Variants in TECTA observed in about 807,000 individuals in gnomAD.
The protein encoded by TECTA is tectorin alpha.
A neutral mutation model predicts 216.8 loss-of-function variants in TECTA; 128 were observed. The observed-to-expected ratio is 0.59, with a 90% CI of 0.51 to 0.68. The LOEUF (loss-of-function observed/expected upper bound fraction) is 0.68, where lower values mean the gene tolerates loss of function less well. Among genes scored for constraint, TECTA ranks in the 30% least tolerant of loss-of-function variants. The pLI is 0.00. For missense variants in TECTA, 2,551 were observed against 2,786.2 expected, an observed-to-expected ratio of 0.92 and a Z score of 1.90; for synonymous variants, 1,089 against 1,117.1, an observed-to-expected ratio of 0.97 and a Z score of 0.50.
At chr11:121,185,254 G>A (rs1947270836) in intron 20 of TECTA, among the ~76,000 whole-genome samples, 1 of 152,210 alleles carries the variant, frequency 6.6e-6, no homozygotes, top group Non-Finnish European at 1.5e-5. Flanking sequence ...TTTTTTTCCA[G>A]TGCATTTAGG....
chr11:121,177,527 C>T (rs1591468362), intron 20 of TECTA, among the ~76,000 whole-genome samples: 1 of 152,164 alleles, frequency 6.6e-6, no homozygotes, highest in African/African-American at 2.4e-5. Flanking sequence ...TCTGATCGTT[C>T]CTCTGGAAGT....
intron 7 of TECTA, among the ~76,000 whole-genome samples, chr11:121,121,612 T>A (rs979502024): frequency 6.6e-6 from 1 of 152,086 alleles, no homozygotes; most frequent in Non-Finnish European, 1.5e-5. Context: ...ACTGGAACAT[T>A]ACTGACACCC....
intron 21 of TECTA, 75 bp from the exon 22 acceptor site, chr11:121,189,005 A>G: frequency 6.7e-7 from 1 of 1,490,574 alleles, no homozygotes; most frequent in East Asian, 2.3e-5. Flanking sequence ...TGCCTCTTTT[A>G]GAGGTGAAAC....
chr11:121,180,666 T>C (rs1947218123), intron 20 of TECTA, among the ~76,000 whole-genome samples: 1 of 152,176 alleles, frequency 6.6e-6, no homozygotes, highest in Non-Finnish European at 1.5e-5. Context: ...CTTGCAAGAC[T>C]TGGGAAGTTT....
intron 10 of TECTA, among the ~76,000 whole-genome samples, chr11:121,136,869 AC>A (rs1946732140): frequency 6.6e-6 from 1 of 152,260 alleles, no homozygotes; most frequent in Non-Finnish European, 1.5e-5. Flanking sequence ...GATAAGATTT[AC>A]CTTACTTTCC....
chr11:121,121,000 G>A (rs563627139), intron 7 of TECTA, among the ~76,000 whole-genome samples: 122 of 152,324 alleles, frequency 8.0e-4, no homozygotes, highest in Non-Finnish European at 1.2e-3. Context: ...TGGCCTTGGC[G>A]GCCTCTCCTC....
chr11:121,126,751 C>A (rs659042), intron 8 of TECTA, among the ~76,000 whole-genome samples: 33,928 of 152,092 alleles, frequency 0.22, 3,851 homozygotes, highest in African/African-American at 0.24. Context: ...AGGTTCAATT[C>A]TTAAGAGTTT....
At chr11:121,118,846 C>A in intron 7 of TECTA, 128 bp downstream of exon 7, 1 of 1,242,396 alleles carries the variant, frequency 8.0e-7, no homozygotes, top group East Asian at 2.4e-5. Context: ...GCACAGCTCT[C>A]CCCGCCTTGC....
chr11:121,178,133 A>G (rs1947187786), intron 20 of TECTA, among the ~76,000 whole-genome samples: 1 of 152,212 alleles, frequency 6.6e-6, no homozygotes, highest in Non-Finnish European at 1.5e-5. Context: ...GTGCTTCCCA[A>G]GTGAGGCAAT....
intron 13 of TECTA, 117 bp from the exon 14 acceptor site, chr11:121,157,724 T>C (rs1591458560): frequency 2.7e-6 from 4 of 1,472,484 alleles, no homozygotes; most frequent in Non-Finnish European, 3.8e-6. Flanking sequence ...TCCTACAAAT[T>C]CCAGCCCCAT....
At position 121,128,106 on chromosome 11, in the gene TECTA, A is replaced by C; in HGVS notation, c.2129A>C (p.Glu710Ala). Residue 710 changes from glutamate (E) to alanine (A), a missense_variant, in exon 9 of 24, where the codon GAG becomes GCG. Glu to Ala is a moderately radical substitution (Grantham distance 107). Around this residue, in one of 3 missense-constraint regions of TECTA, gnomAD observed 2,375 missense variants for 2,563.9 expected, o/e 0.93. Coordinates refer to ENST00000392793, the MANE Select transcript of TECTA (RefSeq NM_005422.4). ...TACCAGGGCTGCTTCCCCAAGCGGG[A>C]GACCGTGTGCCTGCTCAGCCAGAAC... ...DGYQGCFPKR[E>A]TVCLLSQNQV... The C allele has an allele frequency of 3.1e-6, 5 of 1,612,880 alleles. No homozygotes were observed. The highest frequency in any genetic ancestry group is 4.2e-6 in the Non-Finnish European group (5 of 1,179,772).
intron 3 of TECTA, among the ~76,000 whole-genome samples, chr11:121,108,918 C>T (rs1345520155): frequency 6.6e-6 from 1 of 151,158 alleles, no homozygotes; most frequent in Non-Finnish European, 1.5e-5. Flanking sequence ...AAGCACAACT[C>T]AGGAGCATTT....
At chr11:121,102,111 G>A (rs1466854729) in intron 1 of TECTA, among the ~76,000 whole-genome samples, 3 of 152,124 alleles carry the variant, frequency 2.0e-5, no homozygotes, top group African/African-American at 7.2e-5. Flanking sequence ...CCCTGAATCT[G>A]GTCAATACTT....
At chr11:121,138,743 C>A (rs1946755920) in intron 11 of TECTA, among the ~76,000 whole-genome samples, 1 of 152,228 alleles carries the variant, frequency 6.6e-6, no homozygotes, top group Admixed American at 6.5e-5. Flanking sequence ...CAGACATCAG[C>A]TCCAGCCACA....
rs1565515461 is a variant in TECTA at position 121,105,049 on chromosome 11, GT to G, written c.65-781del. On this transcript the variant is annotated intron_variant, in intron 2 of 23. Transcript: ENST00000392793. The surrounding 1 kb of genome is among the most constrained non-coding windows in gnomAD (Gnocchi z 5.3). The stretch of plus-strand genomic sequence containing the variant: ...CAAAACTGAGCCACATCTTGCAACA[GT>G]ATGGACGGGAAACCTGGGAGCAGCA... Among the ~76,000 whole-genome samples, 1 of 152,172 alleles carries G rather than the reference GT, an allele frequency of 6.6e-6. No individual in the cohort carries two copies.
chr11:121,114,032 T>A (rs1388191237), intron 6 of TECTA, among the ~76,000 whole-genome samples: 1 of 152,128 alleles, frequency 6.6e-6, no homozygotes, highest in Non-Finnish European at 1.5e-5. Flanking sequence ...AGCCCTCCTG[T>A]TTAACATTAT....
chr11:121,111,719 CT>C (rs1048984713), intron 4 of TECTA, among the ~76,000 whole-genome samples: 1 of 152,208 alleles, frequency 6.6e-6, no homozygotes, highest in African/African-American at 2.4e-5. Context: ...GACTTTGCCC[CT>C]GTCCCTTGAA....
chr11:121,162,758 G>T (rs890949308), intron 16 of TECTA, among the ~76,000 whole-genome samples: 6 of 152,158 alleles, frequency 3.9e-5, no homozygotes, highest in Non-Finnish European at 7.3e-5. Context: ...GAAAGCGAAG[G>T]CACAGGGCAG....
At chr11:121,168,342 C>G in intron 19 of TECTA, 125 bp downstream of exon 19, 1 of 1,320,122 alleles carries the variant, frequency 7.6e-7, no homozygotes, top group Non-Finnish European at 1.1e-6. Context: ...GTTTCTTGAG[C>G]CTAAATGCTT....
Sources: allele counts gnomAD v4.1 joint callset (sites outside exome capture counted in the v4.1 genomes callset), GRCh38; gene constraint gnomAD v4.1.1; regional missense constraint gnomAD v4.1.1; non-coding constraint Gnocchi (gnomAD v3.1); transcripts MANE v1.5; gene names NCBI Gene and HGNC (gene_info 2026-07-23, HGNC 2026-07-21).